The following PRDM16 variants were observed in gnomAD, a reference collection of about 807,000 sequenced individuals.
The protein encoded by PRDM16 is PR/SET domain 16, also known as histone-lysine N-methyltransferase PRDM16.
PRDM16 carries 23 observed loss-of-function variants against 110.6 expected under a neutral mutation model. The ratio of observed to expected loss-of-function variants is 0.21; its 90% CI spans 0.15 to 0.29. The LOEUF (loss-of-function observed/expected upper bound fraction) is 0.29, where lower values mean the gene tolerates loss of function less well. Ranked by LOEUF, PRDM16 falls within the 10% of genes least tolerant of loss-of-function variation. PRDM16 has a pLI of 1.00. For missense variants in PRDM16, 1,615 were observed against 1,794.3 expected, an observed-to-expected ratio of 0.90 and a Z score of 1.81; for synonymous variants, 799 against 781.8, an observed-to-expected ratio of 1.02 and a Z score of -0.37.
intron 14 of PRDM16, among the ~76,000 whole-genome samples, chr1:3,429,778 G>C (rs1279678001): frequency 6.6e-6 from 1 of 152,256 alleles, no homozygotes; most frequent in Non-Finnish European, 1.5e-5. Flanking sequence ...AAAGACAAGA[G>C]ATAGACACGT....
At chr1:3,075,493 T>C (rs1218910256) in intron 1 of PRDM16, among the ~76,000 whole-genome samples, 1 of 152,286 alleles carries the variant, frequency 6.6e-6, no homozygotes, top group African/African-American at 2.4e-5. Context: ...TTTATACAGC[T>C]TAAACACTGG....
intron 3 of PRDM16, among the ~76,000 whole-genome samples, chr1:3,251,840 A>T (rs1057339922): frequency 1.3e-5 from 2 of 152,222 alleles, no homozygotes; most frequent in African/African-American, 4.8e-5. Context: ...GTGCTGCTCT[A>T]TTAGGAGAGA....
chr1:3,188,349 C>T (rs1201944264), intron 2 of PRDM16, among the ~76,000 whole-genome samples: 1 of 152,192 alleles, frequency 6.6e-6, no homozygotes, highest in Non-Finnish European at 1.5e-5. Flanking sequence ...TTCTTGTCTA[C>T]TCTGATACAA....
intron 4 of PRDM16, among the ~76,000 whole-genome samples, chr1:3,393,984 G>T (rs971096148): frequency 6.6e-6 from 1 of 152,288 alleles, no homozygotes; most frequent in African/African-American, 2.4e-5. Flanking sequence ...CCGCGGCCCG[G>T]CGCGCTAGAC....
chr1:3,352,247 C>T (rs1366526694), intron 3 of PRDM16, among the ~76,000 whole-genome samples: 1 of 152,194 alleles, frequency 6.6e-6, no homozygotes, highest in East Asian at 1.9e-4. Context: ...TCCACCCAGC[C>T]GTGCTGCCCC....
intron 3 of PRDM16, among the ~76,000 whole-genome samples, chr1:3,293,110 A>AT (rs1641013736): frequency 6.6e-6 from 1 of 152,328 alleles, no homozygotes; most frequent in Admixed American, 6.5e-5. Flanking sequence ...TTGACCCTAT[A>AT]TTCCACCCCA....
intron 2 of PRDM16, chr1:3,207,579 C>G (rs963252465): frequency 6.6e-6 from 1 of 152,298 alleles, no homozygotes; most frequent in African/African-American, 2.4e-5. Context: ...ACCTGAGACA[C>G]CCGTACTTGG....
intron 3 of PRDM16, among the ~76,000 whole-genome samples, chr1:3,328,950 A>G (rs1326400855): frequency 1.3e-5 from 2 of 152,150 alleles, no homozygotes; most frequent in African/African-American, 2.4e-5. Flanking sequence ...GAGGGCACCA[A>G]TGCTGGCGGG....
intron 2 of PRDM16, among the ~76,000 whole-genome samples, chr1:3,235,508 G>C (rs1452849944): frequency 1.3e-5 from 2 of 152,196 alleles, no homozygotes; most frequent in Admixed American, 1.3e-4. Context: ...TCGGGGACAG[G>C]GGCCTGCAGA....
At chr1:3,335,217 G>A (rs1404959584) in intron 3 of PRDM16, among the ~76,000 whole-genome samples, 2 of 152,238 alleles carry the variant, frequency 1.3e-5, no homozygotes, top group African/African-American at 2.4e-5. Context: ...GAGGAAGCGT[G>A]TTTGGGGAGC....
At chr1:3,217,698 C>G (rs913247480) in intron 2 of PRDM16, among the ~76,000 whole-genome samples, 1 of 152,230 alleles carries the variant, frequency 6.6e-6, no homozygotes, top group Non-Finnish European at 1.5e-5. Context: ...GCCAGGTCCC[C>G]GTGCCGTGCA....
At chr1:3,181,336 A>AGTCTTACG (rs1644173555) in intron 1 of PRDM16, among the ~76,000 whole-genome samples, 2 of 101,808 alleles carry the variant, frequency 2.0e-5, no homozygotes, top group Admixed American at 1.1e-4. Context: ...TTACACAAGC[A>AGTCTTACG]GTCTTACACA....
At chr1:3,392,411 A>G (rs766153802) in intron 4 of PRDM16, among the ~76,000 whole-genome samples, 21 of 152,146 alleles carry the variant, frequency 1.4e-4, no homozygotes, top group Non-Finnish European at 2.8e-4. Flanking sequence ...GAAAAAATTC[A>G]TTTATTCCAG....
At chr1:3,247,583 C>G (rs550877323) in intron 3 of PRDM16, among the ~76,000 whole-genome samples, 26 of 152,354 alleles carry the variant, frequency 1.7e-4, no homozygotes, top group African/African-American at 6.2e-4. Flanking sequence ...TTCCTGCGCC[C>G]CTTCAGCTTC....
chr1:3,077,172 A>G (rs536484624), intron 1 of PRDM16, among the ~76,000 whole-genome samples: 2 of 152,322 alleles, frequency 1.3e-5, no homozygotes, highest in South Asian at 4.1e-4. Context: ...TTTGGGGCGA[A>G]TATGAAGTCC....
At chr1:3,361,018 G>A (rs369876699) in intron 3 of PRDM16, among the ~76,000 whole-genome samples, 2 of 152,250 alleles carry the variant, frequency 1.3e-5, no homozygotes, top group South Asian at 2.1e-4. Flanking sequence ...GTGCTGGAGC[G>A]AGGACACTGA....
At chr1:3,310,215 C>G (rs1006030634) in intron 3 of PRDM16, 4 of 152,322 alleles carry the variant, frequency 2.6e-5, no homozygotes, top group African/African-American at 9.6e-5. Flanking sequence ...GCCACCTCCA[C>G]AGCGGCTGCA....
intron 1 of PRDM16, among the ~76,000 whole-genome samples, chr1:3,172,563 G>C (rs1644038067): frequency 6.6e-6 from 1 of 152,230 alleles, no homozygotes; most frequent in South Asian, 2.1e-4. Flanking sequence ...TCCATCCACA[G>C]ATGAAGAGAC....
intron 2 of PRDM16, among the ~76,000 whole-genome samples, chr1:3,225,573 T>TGTGTGTGTGTGCGC (rs1336272072): frequency 6.2e-5 from 8 of 129,908 alleles, no homozygotes; most frequent in African/African-American, 2.1e-4. Context: ...TGTGTGTGTG[T>TGTGTGTGTGTGCGC]GCGCGCGCGC....
Sources: allele counts gnomAD v4.1 joint callset (sites outside exome capture counted in the v4.1 genomes callset), GRCh38; gene constraint gnomAD v4.1.1; transcripts MANE v1.5; gene names NCBI Gene and HGNC (gene_info 2026-07-23, HGNC 2026-07-21).